EBLN1: variants seen among roughly 807,000 people sequenced by gnomAD.
EBLN1 encodes endogenous Bornavirus-like nucleoprotein 1.
A neutral mutation model predicts 0.8 loss-of-function variants in EBLN1; 1 was observed. That is an observed-to-expected ratio of 1.32 (90% confidence interval 0.47 to 6.26). The LOEUF (loss-of-function observed/expected upper bound fraction) is 6.26. Among genes scored for constraint, EBLN1 ranks in the 30% most tolerant of loss-of-function variants. The pLI is 0.15. For synonymous variants in EBLN1, 158 were observed against 158.5 expected (o/e 1.00, Z 0.02); for missense variants, 396 against 447.9 (o/e 0.88, Z 1.05).
intron 1 of EBLN1, among the ~76,000 whole-genome samples, chr10:22,217,398 G>C (rs1365159180): frequency 2.0e-5 from 3 of 152,186 alleles, no homozygotes; most frequent in Admixed American, 6.5e-5. Flanking sequence ...AAAGAGAACT[G>C]CTTCACTTTC....
At chr10:22,217,685 T>C (rs1306879794) in intron 1 of EBLN1, among the ~76,000 whole-genome samples, 9 of 152,180 alleles carry the variant, frequency 5.9e-5, no homozygotes, top group Admixed American at 5.9e-4. Context: ...TACACCATGA[T>C]ATAACCATAA....
At chr10:22,210,150 A>G (rs1261544067) in intron 2 of EBLN1, 123 bp from the exon 3 acceptor site, 16 of 936,832 alleles carry the variant, frequency 1.7e-5, no homozygotes, top group Middle Eastern at 3.8e-4. Context: ...TAGTCTAGTA[A>G]AGGAATTTCC....
chr10:22,211,264 T>C (rs990793624), intron 2 of EBLN1, among the ~76,000 whole-genome samples: 7 of 152,198 alleles, frequency 4.6e-5, no homozygotes, highest in Non-Finnish European at 8.8e-5. Flanking sequence ...TTCTTTGCAT[T>C]AATTCACAAT....
chr10:22,211,208 T>C (rs1485298146), intron 2 of EBLN1, among the ~76,000 whole-genome samples: 1 of 152,214 alleles, frequency 6.6e-6, no homozygotes, highest in Non-Finnish European at 1.5e-5. Flanking sequence ...GTTCCAAATA[T>C]AGGCTTTTGA....
rs776306586 is a variant in EBLN1 at position 22,209,384 on chromosome 10, T to C, written c.600A>G (p.Pro200=). Residue 200 remains proline, a synonymous_variant, in exon 3 of 3, where the codon CCA becomes CCG. Coordinates refer to ENST00000422359, the MANE Select transcript of EBLN1 (RefSeq NM_001394757.1). ...GPAIDWINSR[P]WVGGLMFTFL... is the part of the protein sequence containing the mutation. ...ATGTGAACATTAATCCTCCAACCCA[T>C]GGTCTTGAGTTGATCCAATCTATAG... 1 of 1,605,310 alleles carries C rather than the reference T, an allele frequency of 6.2e-7. No individual in the cohort carries two copies. The highest frequency in any genetic ancestry group is 1.1e-5 in the South Asian group (1 of 91,084).
chr10:22,209,977 G>A lies in EBLN1; in HGVS notation c.7C>T (p.Arg3Cys), dbSNP rs1203052339. MS[R>C]PRNNPQTSSP... is the part of the protein sequence containing the mutation. Reference sequence around the variant, plus strand: ...CTGGTCTGTGGGTTGTTTCTTGGGCGGGACATTGTGGGTGATTGTTTCTGT... The same window carrying A: ...CTGGTCTGTGGGTTGTTTCTTGGGCAGGACATTGTGGGTGATTGTTTCTGT... The change falls in exon 3 of 3, where the codon CGC (arginine) becomes TGC (cysteine). Residue 3 changes from arginine (R) to cysteine (C), a missense_variant. By Grantham distance (180) the Arg-to-Cys change is radical. Coordinates refer to ENST00000422359, the MANE Select transcript of EBLN1 (RefSeq NM_001394757.1). The A allele has an allele frequency of 1.2e-5, 17 of 1,402,116 alleles. No individual in the cohort carries two copies. Among genetic ancestry groups the A allele is most frequent in the East Asian group, 2.5e-5 (1 of 39,856 alleles). 86.9% of individuals were successfully genotyped at this position (1,402,116 alleles called of 1,614,324 possible).
chr10:22,210,334 C>G (rs1834739927), intron 2 of EBLN1, among the ~76,000 whole-genome samples: 1 of 152,104 alleles, frequency 6.6e-6, no homozygotes, highest in South Asian at 2.1e-4. Flanking sequence ...AATTTAAACT[C>G]AATCATCAAG....
Position 22,209,209 on chromosome 10 carries a change from A to T in EBLN1, c.775T>A (p.Leu259Met). 6.5e-7 allele frequency: 1 copy of T among 1,540,156 alleles called. No homozygotes were observed. The highest frequency in any genetic ancestry group is 1.2e-5 in the South Asian group (1 of 84,678). ...DGSTALPAVVLEIPVFEQKKP... is the reference protein window; with the variant it reads ...DGSTALPAVVMEIPVFEQKKP... ...TTCTGCTCAAAAACTGGAATCTCCAACACAACAGCGGGTAAAGCAGTGGAA... is the reference window on the plus strand; with the variant it reads ...TTCTGCTCAAAAACTGGAATCTCCATCACAACAGCGGGTAAAGCAGTGGAA... The change falls in exon 3 of 3, where the codon TTG becomes ATG. Residue 259 changes from leucine to methionine, a missense_variant. By Grantham distance (15) the Leu-to-Met change is conservative. Coordinates refer to ENST00000422359, the MANE Select transcript of EBLN1 (RefSeq NM_001394757.1).
intron 1 of EBLN1, among the ~76,000 whole-genome samples, chr10:22,216,163 G>T (rs1834790873): frequency 6.6e-6 from 1 of 151,648 alleles, no homozygotes; most frequent in Non-Finnish European, 1.5e-5. Context: ...TTTATCTGCA[G>T]GTGACTGTGC....
chr10:22,211,485 T>C (rs1036663125), intron 2 of EBLN1, among the ~76,000 whole-genome samples: 1 of 151,392 alleles, frequency 6.6e-6, no homozygotes, highest in African/African-American at 2.5e-5. Flanking sequence ...TATTAAATCG[T>C]GTTAACAAAA....
Position 22,209,063 on chromosome 10 carries a change from G to C in EBLN1, c.921C>G (p.Tyr307Ter), listed in dbSNP as rs370831941. The C allele has an allele frequency of 1.3e-6, 2 of 1,536,604 alleles. No homozygotes were observed. Among genetic ancestry groups the C allele is most frequent in the East Asian group, 4.9e-5 (2 of 40,920 alleles). The change falls in exon 3 of 3, where the codon TAC (tyrosine) becomes TAG (stop). Residue 307 changes from tyrosine (Y) to a stop codon, truncating the protein, a stop_gained. Coordinates refer to ENST00000422359, the MANE Select transcript of EBLN1 (RefSeq NM_001394757.1). LOFTEE classifies it high-confidence loss of function. ...MFPNLATAAN[Y>*]WAKRRNSTFS... ...ATGTGGAATTCCTTCTTTTGGCCCAGTAGTTTGCTGCTGTTGCTAGGTTTG... is the reference window on the plus strand; with the variant it reads ...ATGTGGAATTCCTTCTTTTGGCCCACTAGTTTGCTGCTGTTGCTAGGTTTG...
Position 22,217,396 on chromosome 10 carries a change from C to T in EBLN1, c.-169+520G>A, listed in dbSNP as rs562071393. ...AGAAGGCACAAAGGAATAAAGAGAA[C>T]TGCTTCACTTTCATACTGTTCTCAT... On this transcript the variant is annotated intron_variant, in intron 1 of 2. Transcript: ENST00000422359. Among the ~76,000 whole-genome samples, 25 of 152,338 alleles carry T rather than the reference C, an allele frequency of 1.6e-4. 3 individuals carry two copies. Among genetic ancestry groups the T allele is most frequent in the African/African-American group, 5.8e-4 (24 of 41,582 alleles).
At chr10:22,210,429 C>A (rs1015047016) in intron 2 of EBLN1, among the ~76,000 whole-genome samples, 2 of 152,134 alleles carry the variant, frequency 1.3e-5, no homozygotes, top group African/African-American at 4.8e-5. Context: ...AAACTTCTAA[C>A]AAAGCCAGGA....
At chr10:22,211,644 A>G (rs557441472) in intron 2 of EBLN1, among the ~76,000 whole-genome samples, 1 of 152,018 alleles carries the variant, frequency 6.6e-6, no homozygotes, top group East Asian at 1.9e-4. Flanking sequence ...GGTACTTGCC[A>G]GTATGCCATC....
At chr10:22,213,372 G>A (rs72814804) in intron 1 of EBLN1, among the ~76,000 whole-genome samples, 7,320 of 152,142 alleles carry the variant, frequency 0.048, 364 homozygotes, top group African/African-American at 0.13. Flanking sequence ...TTTAATTCCT[G>A]TAGGAACACA....
chr10:22,212,777 C>A (rs111308733), intron 2 of EBLN1, among the ~76,000 whole-genome samples, 65 bp downstream of exon 2: 14 of 149,908 alleles, frequency 9.3e-5, no homozygotes, highest in African/African-American at 3.0e-4. Context: ...CAGCAGGACA[C>A]CATCTCTTAA....
intron 2 of EBLN1, among the ~76,000 whole-genome samples, 64 bp downstream of exon 2, chr10:22,212,778 C>T (rs1162465688): frequency 6.7e-6 from 1 of 148,806 alleles, no homozygotes; most frequent in Non-Finnish European, 1.5e-5. Flanking sequence ...AGCAGGACAC[C>T]ATCTCTTAAA....
chr10:22,213,816 G>T (rs1834771848), intron 1 of EBLN1, among the ~76,000 whole-genome samples: 1 of 151,920 alleles, frequency 6.6e-6, no homozygotes, highest in Admixed American at 6.6e-5. Flanking sequence ...ACAAAACTTT[G>T]GAAAAACCTG....
At position 22,209,939 on chromosome 10, in the gene EBLN1, G is replaced by A; in HGVS notation, c.45C>T (p.Asp15=). 1 of 1,444,994 alleles carries A rather than the reference G, an allele frequency of 6.9e-7. No individual in the cohort carries two copies. The highest frequency in any genetic ancestry group is 9.0e-7 in the Non-Finnish European group (1 of 1,105,022). The allele number at this position is 1,444,994 out of a possible 1,614,324, so 89.5% of individuals were successfully genotyped here. The change falls in exon 3 of 3, where the codon GAC becomes GAT. Residue 15 remains aspartate (D), a synonymous_variant. Coordinates refer to ENST00000422359, the MANE Select transcript of EBLN1 (RefSeq NM_001394757.1). ...GGAAGCTGCTCCCATCCTTTGTACT[G>A]TCTTGTGGGCTGCTGGTCTGTGGGT... The part of the protein sequence containing the change: ...RNNPQTSSPQ[D]STKDGSSFHY...
Sources: allele counts gnomAD v4.1 joint callset (sites outside exome capture counted in the v4.1 genomes callset), GRCh38; gene constraint gnomAD v4.1.1; transcripts MANE v1.5; gene names NCBI Gene and HGNC (gene_info 2026-07-23, HGNC 2026-07-21).